The following IQSEC3 variants were observed in gnomAD, a reference collection of about 807,000 sequenced individuals.
IQSEC3 encodes IQ motif and SEC7 domain-containing protein 3.
In IQSEC3, 50 loss-of-function variants were observed where a neutral mutation model predicts 105.4. The observed-to-expected ratio is 0.47, with a 90% CI of 0.38 to 0.60. IQSEC3 has a LOEUF of 0.60. Ranked by LOEUF, IQSEC3 falls within the 20% of genes least tolerant of loss-of-function variation. The pLI is 0.00. For synonymous variants in IQSEC3, 708 were observed against 746.0 expected (o/e 0.95, Z 0.83); for missense variants, 1,415 against 1,630.0 (o/e 0.87, Z 2.27).
chr12:84,781 A>G (rs1030854410), intron 1 of IQSEC3, among the ~76,000 whole-genome samples: 2 of 152,224 alleles, frequency 1.3e-5, no homozygotes, highest in African/African-American at 4.8e-5. Context: ...CTAGAAGGTC[A>G]GTTGAAGCTC....
At chr12:98,475 A>G (rs926727163) in intron 1 of IQSEC3, among the ~76,000 whole-genome samples, 5 of 152,236 alleles carry the variant, frequency 3.3e-5, no homozygotes, top group Non-Finnish European at 5.9e-5. Context: ...CCACTTCGCT[A>G]GTTCAACTCC....
At chr12:155,106 C>T (rs969603616) in intron 5 of IQSEC3, among the ~76,000 whole-genome samples, 65 of 152,206 alleles carry the variant, frequency 4.3e-4, no homozygotes, top group African/African-American at 1.4e-3. Context: ...CAGGAACACA[C>T]GGATGTGGCC....
chr12:173,154 T>C (rs216228), intron 13 of IQSEC3, among the ~76,000 whole-genome samples: 148,584 of 152,246 alleles, frequency 0.98, 72,617 homozygotes, highest in East Asian at 1. Flanking sequence ...TGAGTGAGGG[T>C]CCTGGAGGGA....
At chr12:110,242 C>T (rs1167219693) in intron 2 of IQSEC3, among the ~76,000 whole-genome samples, 1 of 152,100 alleles carries the variant, frequency 6.6e-6, no homozygotes, top group Non-Finnish European at 1.5e-5. Flanking sequence ...ATTCCTTAAT[C>T]GGTTTTTCAT....
In IQSEC3 at chr12:138,746, CG is replaced by C; in HGVS notation, c.1386del (p.Asp465MetfsTer18). On this transcript the variant is annotated frameshift_variant, in exon 4 of 14. Coordinates refer to ENST00000538872, the MANE Select transcript of IQSEC3 (RefSeq NM_001170738.2). LOFTEE classifies it high-confidence loss of function. This position sits in a 1 kb window ranked among gnomAD's most constrained non-coding sequence, Gnocchi z 7.1. ...GGCGGGCGCCGGAGAGCGCGGGCCC[CG>C]GGCCCGGGGATGACGCCGCGGAGAC... ...EGRAPESAGP[G>X]PGDDAAETPG... is the part of the protein sequence containing the mutation. The C allele has an allele frequency of 6.5e-7, 1 of 1,529,978 alleles. No individual in the cohort carries two copies. The highest frequency in any genetic ancestry group is 8.7e-7 in the Non-Finnish European group (1 of 1,143,740). The allele number at this position is 1,529,978 out of a possible 1,614,324, so 94.8% of individuals were successfully genotyped here.
chr12:169,103 C>T lies in IQSEC3; in HGVS notation c.3062C>T (p.Thr1021Ile), dbSNP rs1315440752. 2 of 1,613,528 alleles carry T rather than the reference C, an allele frequency of 1.2e-6. No homozygotes were observed. Among genetic ancestry groups the T allele is most frequent in the Non-Finnish European group, 1.7e-6 (2 of 1,179,830 alleles). Residue 1021 changes from threonine to isoleucine, a missense_variant and splice_region_variant, in exon 12 of 14, where the codon ACA becomes ATA. Thr to Ile is a moderately conservative substitution (Grantham distance 89). Around this residue, in one of 6 missense-constraint regions of IQSEC3, gnomAD observed 419 missense variants for 436.2 expected, o/e 0.96. Coordinates refer to ENST00000538872, the MANE Select transcript of IQSEC3 (RefSeq NM_001170738.2). ...CCACAGTCAAAGCAAGGATCGCCGA[C>T]AGGTGAGCCTCGGCTCCGCTCAGGG... is the stretch of plus-strand genomic sequence containing the variant. Reference protein sequence around the residue: ...GDPQSKQGSPTAKREAALRER... With the variant: ...GDPQSKQGSPIAKREAALRER...
intron 5 of IQSEC3, among the ~76,000 whole-genome samples, chr12:150,501 G>A (rs1263347518): frequency 2.0e-5 from 3 of 152,184 alleles, no homozygotes; most frequent in African/African-American, 7.2e-5. Flanking sequence ...GTGAGGAGGG[G>A]CAGCTGCAAT....
rs1201975264 is a variant in IQSEC3, at chr12:138,794, C to G, written c.1431C>G (p.His477Gln). ...AGACCCCCGGCCTGCCCCCGGCCCA[C>G]AGCGGGACCCTCATGATGGCTTTCC... is the stretch of plus-strand genomic sequence containing the variant. ...AAETPGLPPA[H>Q]SGTLMMAFRD... The change falls in exon 4 of 14, where the codon CAC (histidine) becomes CAG (glutamine). Residue 477 changes from histidine (H) to glutamine (Q), a missense_variant. Physicochemically the swap from His to Gln is conservative, Grantham distance 24. Coordinates refer to ENST00000538872, the MANE Select transcript of IQSEC3 (RefSeq NM_001170738.2). The surrounding 1 kb of genome is among the most constrained non-coding windows in gnomAD (Gnocchi z 7.1). 3 of 1,605,966 alleles carry G rather than the reference C, an allele frequency of 1.9e-6. No individual in the cohort carries two copies. The highest frequency in any genetic ancestry group is 1.3e-5 in the African/African-American group (1 of 74,464).
intron 3 of IQSEC3, among the ~76,000 whole-genome samples, chr12:133,074 A>G (rs1400034249): frequency 6.6e-6 from 1 of 152,208 alleles, no homozygotes; most frequent in Non-Finnish European, 1.5e-5. Flanking sequence ...TGGCCCATCA[A>G]AGTAGAAGTT....
At chr12:114,165 A>C (rs1864981861) in intron 2 of IQSEC3, among the ~76,000 whole-genome samples, 1 of 152,214 alleles carries the variant, frequency 6.6e-6, no homozygotes, top group South Asian at 2.1e-4. Flanking sequence ...AGCTATGTTA[A>C]AGCTGGATTT....
At chr12:100,621 C>G (rs548416529) in intron 2 of IQSEC3, among the ~76,000 whole-genome samples, 2 of 152,282 alleles carry the variant, frequency 1.3e-5, no homozygotes, top group South Asian at 4.1e-4. Flanking sequence ...ATGGGAGTTA[C>G]TGAAGCCAAC....
At chr12:172,890 G>A (rs1376979183) in intron 13 of IQSEC3, among the ~76,000 whole-genome samples, 1 of 152,224 alleles carries the variant, frequency 6.6e-6, no homozygotes, top group Non-Finnish European at 1.5e-5. Flanking sequence ...AGCAGGGGAG[G>A]TAAACGGGAG....
intron 3 of IQSEC3, among the ~76,000 whole-genome samples, chr12:130,281 C>T (rs548265760): frequency 1.2e-4 from 18 of 152,346 alleles, no homozygotes; most frequent in South Asian, 2.1e-4. Context: ...CCCAGGCTAA[C>T]GGTTGCCATG....
chr12:132,780 A>G (rs1486442838), intron 3 of IQSEC3, among the ~76,000 whole-genome samples: 1 of 152,180 alleles, frequency 6.6e-6, no homozygotes, highest in African/African-American at 2.4e-5. Context: ...CAGAGGATAC[A>G]CAGGCTGCTG....
chr12:80,004 G>A (rs117248104), intron 1 of IQSEC3, among the ~76,000 whole-genome samples: 524 of 152,222 alleles, frequency 3.4e-3, no homozygotes, highest in Middle Eastern at 0.01. Context: ...GAGCTGCCGC[G>A]TTCTTTTTTA....
chr12:152,073 C>T lies in IQSEC3; in HGVS notation c.2154-4952C>T, dbSNP rs189029547. Among the ~76,000 whole-genome samples, 57 of 152,242 alleles carry T rather than the reference C, an allele frequency of 3.7e-4. No individual in the cohort carries two copies. Among genetic ancestry groups the T allele is most frequent in the African/African-American group, 1.3e-3 (52 of 41,546 alleles). ...TCCCACCAAGACAGAGACTGTGTTG[C>T]TGGCCACTTACACCAGGTCCCGAGC... On this transcript the variant is annotated intron_variant, in intron 5 of 13. Coordinates refer to ENST00000538872, the MANE Select transcript of IQSEC3 (RefSeq NM_001170738.2). This position sits in a 1 kb window ranked among gnomAD's most constrained non-coding sequence, Gnocchi z 4.8.
intron 1 of IQSEC3, among the ~76,000 whole-genome samples, chr12:92,655 G>T: frequency 6.6e-6 from 1 of 152,204 alleles, no homozygotes; most frequent in East Asian, 1.9e-4. Flanking sequence ...TAAAGGCCCC[G>T]CATCTCAGGA....
intron 2 of IQSEC3, among the ~76,000 whole-genome samples, chr12:113,307 G>C (rs566242714): frequency 1.3e-5 from 2 of 152,358 alleles, no homozygotes; most frequent in South Asian, 4.1e-4. Context: ...CTTGTAAACA[G>C]TCAGAAGGGC....
rs1555088206 is a variant in IQSEC3, at chr12:139,151, G to A, written c.1788G>A (p.Gln596=). 2 of 1,551,510 alleles carry A rather than the reference G, an allele frequency of 1.3e-6. No homozygotes were observed. Among genetic ancestry groups the A allele is most frequent in the African/African-American group, 2.7e-5 (2 of 73,302 alleles). The change falls in exon 4 of 14, where the codon CAG becomes CAA. Residue 596 remains glutamine (Q), a synonymous_variant. Transcript: ENST00000538872. ...AGGCCGAGGCAGGCGACTTGGAGCA[G>A]CTGAGCAGCAGCAGCACGTCCACCA... The part of the protein sequence containing the change: ...GAEAEAGDLE[Q]LSSSSTSTKS...
Sources: gnomAD v4.1 joint callset for allele counts (sites outside exome capture counted in the v4.1 genomes callset) on GRCh38, gnomAD v4.1.1 for gene constraint, gnomAD v4.1.1 regional missense constraint, Gnocchi (gnomAD v3.1) non-coding constraint, MANE v1.5 for transcripts, NCBI Gene and HGNC (gene_info 2026-07-23, HGNC 2026-07-21) for gene names.